Variants in AFF1 observed in about 807,000 individuals in gnomAD.
AFF1 encodes the protein AF4/FMR2 family member 1.
Under a neutral mutation model 121.7 loss-of-function variants are expected in AFF1, and 48 were observed. The ratio of observed to expected loss-of-function variants is 0.39; its 90% CI spans 0.31 to 0.50. The LOEUF is 0.50. AFF1 is among the 20% of genes least tolerant of loss of function. AFF1 has a pLI of 0.76. For missense variants in AFF1, 1,523 were observed against 1,511.7 expected (o/e 1.01, Z -0.12); for synonymous variants, 613 against 563.0 (o/e 1.09, Z -1.26).
Position 87,140,414 on chromosome 4 carries a change from G to A in AFF1, c.*4713G>A, listed in dbSNP as rs1417486053. On this transcript the variant is annotated 3_prime_UTR_variant, in exon 21 of 21. Transcript: ENST00000395146. Reference sequence around the variant, plus strand: ...TTGTTTTAATTTTTTTTTTCTGAATGTGATCATGTTTTGGATGATACCTGA... The same window carrying A: ...TTGTTTTAATTTTTTTTTTCTGAATATGATCATGTTTTGGATGATACCTGA... 5.4e-6 allele frequency: 1 copy of A among 185,404 alleles called. No individual in the cohort carries two copies. The highest frequency in any genetic ancestry group is 2.4e-5 in the African/African-American group (1 of 42,354). The allele number at this position is 185,404 out of a possible 1,614,324, so 11.5% of individuals were successfully genotyped here.
At chr4:87,115,857 CGCCTCT>C (rs769763323) in intron 12 of AFF1, among the ~76,000 whole-genome samples, 1 of 151,972 alleles carries the variant, frequency 6.6e-6, no homozygotes, top group African/African-American at 2.4e-5. Flanking sequence ...GTTATCCACC[CGCCTCT>C]GCCTCTGCCT....
At chr4:87,067,169 A>C (rs1721443330) in intron 4 of AFF1, among the ~76,000 whole-genome samples, 1 of 152,236 alleles carries the variant, frequency 6.6e-6, no homozygotes, top group Admixed American at 6.5e-5. Flanking sequence ...AAAAGAAAGA[A>C]AGACTGAGGC....
chr4:86,988,474 C>T (rs1032629280), intron 2 of AFF1, among the ~76,000 whole-genome samples: 1 of 152,000 alleles, frequency 6.6e-6, no homozygotes, highest in African/African-American at 2.4e-5. Flanking sequence ...CCTAGGAATC[C>T]AACTTACAAG....
At chr4:86,987,186 C>T (rs986880703) in intron 2 of AFF1, among the ~76,000 whole-genome samples, 6 of 152,186 alleles carry the variant, frequency 3.9e-5, no homozygotes, top group Admixed American at 2.0e-4. Context: ...AATGTCTTTG[C>T]TGCTTTCTCT....
chr4:86,992,613 T>A (rs1724816204), intron 2 of AFF1, among the ~76,000 whole-genome samples: 1 of 152,198 alleles, frequency 6.6e-6, no homozygotes, highest in Admixed American at 6.5e-5. Flanking sequence ...CTAACAAGTC[T>A]GTCAGTTGGG....
In AFF1 at chr4:87,094,896, A is replaced by G. The variant is rs375402488; in HGVS notation, c.1229-19A>G. On this transcript the variant is annotated intron_variant, in intron 7 of 20. Coordinates refer to ENST00000395146, the MANE Select transcript of AFF1 (RefSeq NM_001166693.3). ...AAATATGTGTCATTGTGCTGCTTTG[A>G]TGTTTCTCTCCCCCACAGAACAATA... 4.5e-5 allele frequency: 72 copies of G among 1,611,718 alleles called. No individual in the cohort carries two copies. In the African/African-American group the frequency reaches 8.7e-4, roughly 19 times the overall value.
intron 2 of AFF1, among the ~76,000 whole-genome samples, chr4:87,030,122 T>G (rs1728921446): frequency 6.7e-6 from 1 of 149,400 alleles, no homozygotes; most frequent in Non-Finnish European, 1.5e-5. Context: ...TCCTTTAGGC[T>G]TTAAATGAAC....
rs555179342 is a variant in AFF1 at position 86,993,960 on chromosome 4, G to A, written c.38+45389G>A. ...AGCCTGGGAGACAGAGCGAGACTCC[G>A]TCTTAAAAAATAATAATACATTAAA... is the stretch of plus-strand genomic sequence containing the variant. On this transcript the variant is annotated intron_variant, in intron 2 of 20. Coordinates refer to ENST00000395146, the MANE Select transcript of AFF1 (RefSeq NM_001166693.3). Among the ~76,000 whole-genome samples, 8 of 152,178 alleles carry A rather than the reference G, an allele frequency of 5.3e-5. No individual in the cohort carries two copies. In the South Asian group the frequency reaches 6.2e-4, roughly 12 times the overall value.
chr4:87,085,856 A>C (rs1326882201), intron 5 of AFF1, among the ~76,000 whole-genome samples: 1 of 151,080 alleles, frequency 6.6e-6, no homozygotes, highest in Non-Finnish European at 1.5e-5. Flanking sequence ...CTTGTGCCTC[A>C]GCCACCCAAG....
intron 4 of AFF1, among the ~76,000 whole-genome samples, chr4:87,055,985 T>TG (rs1720093185): frequency 1.3e-5 from 2 of 152,224 alleles, no homozygotes; most frequent in Non-Finnish European, 2.9e-5. Context: ...AATAACTCTA[T>TG]TGATGGTTTT....
chr4:86,998,505 CTG>C (rs1438475778), intron 2 of AFF1, among the ~76,000 whole-genome samples: 1 of 152,224 alleles, frequency 6.6e-6, no homozygotes, highest in African/African-American at 2.4e-5. Flanking sequence ...CGTCATCTGA[CTG>C]TTCCATTCAG....
At chr4:87,020,667 GT>G in intron 2 of AFF1, 2 of 383,290 alleles carry the variant, frequency 5.2e-6, no homozygotes, top group Non-Finnish European at 7.1e-6. Context: ...TGTATTTTTA[GT>G]GGAGACAGGG....
intron 8 of AFF1, among the ~76,000 whole-genome samples, chr4:87,103,014 C>T (rs1224944488): frequency 6.6e-6 from 1 of 152,108 alleles, no homozygotes; most frequent in African/African-American, 2.4e-5. Flanking sequence ...GCCTAAAAAT[C>T]CTTCACCTGT....
chr4:87,115,593 C>T (rs1182281964), intron 12 of AFF1, among the ~76,000 whole-genome samples: 3 of 140,930 alleles, frequency 2.1e-5, no homozygotes, highest in South Asian at 2.2e-4. Flanking sequence ...CATCTAGGGC[C>T]GCCCCCAACC....
intron 2 of AFF1, among the ~76,000 whole-genome samples, chr4:86,999,919 G>A (rs1725549827): frequency 6.6e-6 from 1 of 152,132 alleles, no homozygotes; most frequent in Non-Finnish European, 1.5e-5. Flanking sequence ...GACTAGGGTA[G>A]AGAAAATAGA....
intron 2 of AFF1, among the ~76,000 whole-genome samples, chr4:86,963,768 T>A (rs1722319088): frequency 6.6e-6 from 1 of 151,894 alleles, no homozygotes; most frequent in African/African-American, 2.4e-5. Context: ...TCCTTTAAGG[T>A]TCAGCTGAAA....
chr4:87,035,245 C>T (rs1729441285), intron 2 of AFF1, among the ~76,000 whole-genome samples: 1 of 152,040 alleles, frequency 6.6e-6, no homozygotes, highest in African/African-American at 2.4e-5. Flanking sequence ...AGGGCTGAGG[C>T]TGGCAGAAGT....
chr4:86,982,711 G>A (rs1299566553), intron 2 of AFF1, among the ~76,000 whole-genome samples: 1 of 151,788 alleles, frequency 6.6e-6, no homozygotes, highest in Admixed American at 6.6e-5. Flanking sequence ...ATTCAGGCGT[G>A]GTGGCAGGTC....
intron 2 of AFF1, among the ~76,000 whole-genome samples, chr4:87,026,057 C>T (rs1166333420): frequency 7.4e-6 from 1 of 135,164 alleles, no homozygotes; most frequent in Non-Finnish European, 1.5e-5. Context: ...CTCCAGAGAC[C>T]ATGCTTTTTT....
Sources: allele counts gnomAD v4.1 joint callset (sites outside exome capture counted in the v4.1 genomes callset), GRCh38; gene constraint gnomAD v4.1.1; transcripts MANE v1.5; gene names NCBI Gene and HGNC (gene_info 2026-07-23, HGNC 2026-07-21).